Variants in DCAF4 observed in about 807,000 individuals in gnomAD.
DCAF4 encodes DDB1 and CUL4 associated factor 4.
DCAF4 carries 37 observed loss-of-function variants against 60.9 expected under a neutral mutation model. The observed-to-expected ratio is 0.61, with a 90% CI of 0.47 to 0.80. DCAF4 has a LOEUF of 0.80. Among genes scored for constraint, DCAF4 ranks in the 30% least tolerant of loss-of-function variants. The pLI, the probability that DCAF4 is intolerant of heterozygous loss-of-function variation, is 0.00. For synonymous variants in DCAF4, 243 were observed against 254.8 expected (o/e 0.95, Z 0.44); for missense variants, 577 against 650.0 (o/e 0.89, Z 1.22).
chr14:72,942,508 T>C (rs1423050509), intron 5 of DCAF4: 1 of 157,196 alleles, frequency 6.4e-6, no homozygotes, highest in African/African-American at 2.4e-5. Flanking sequence ...ACACCGTAGG[T>C]ATCAGGCAGG....
At position 72,954,273 on chromosome 14, in the gene DCAF4, C is replaced by T; in HGVS notation, c.907+11C>T. The T allele has an allele frequency of 1.9e-6, 3 of 1,614,174 alleles. 1 individual carries two copies. Among genetic ancestry groups the T allele is most frequent in the Middle Eastern group, 3.3e-4 (2 of 6,062 alleles). ...ACTGCTTCAGTACAGGTGAGCCTGG[C>T]TCCCCAGGTGCCCAGAGAAGAGGCC... is the stretch of plus-strand genomic sequence containing the variant. On this transcript the variant is annotated intron_variant, in intron 10 of 13. Coordinates refer to ENST00000358377, the MANE Select transcript of DCAF4 (RefSeq NM_015604.4).
At chr14:72,940,974 G>GT (rs11463723) in intron 4 of DCAF4, among the ~76,000 whole-genome samples, 139,749 of 151,320 alleles carry the variant, frequency 0.92, 64,884 homozygotes, top group Non-Finnish European at 0.97. Context: ...GTTTTTTGGG[G>GT]TTTTTTTGAG....
intron 4 of DCAF4, chr14:72,940,592 T>TTTG: frequency 4.0e-6 from 1 of 251,186 alleles, no homozygotes. Flanking sequence ...CGATAAGTTG[T>TTTG]TTTTTTTTTT....
rs1004038587 is a variant in DCAF4, at chr14:72,939,877, C to T, written c.168C>T (p.Gly56=). 6 of 1,610,774 alleles carry T rather than the reference C, an allele frequency of 3.7e-6. No homozygotes were observed. The South Asian group carries it at 4.4e-5, about 12-fold the overall frequency. ...ACGAGTCTCCGTCAACCTCGTCTGGCACAGCTGGGACCTCCTCTGTGCCAG... is the reference window on the plus strand; with the variant it reads ...ACGAGTCTCCGTCAACCTCGTCTGGTACAGCTGGGACCTCCTCTGTGCCAG... ...GDDESPSTSS[G]TAGTSSVPEL... The change falls in exon 3 of 14, where the codon GGC becomes GGT. Residue 56 remains glycine, a synonymous_variant. Coordinates refer to ENST00000358377, the MANE Select transcript of DCAF4 (RefSeq NM_015604.4).
chr14:72,951,984 A>G (rs1040838738), intron 9 of DCAF4, 107 bp downstream of exon 9: 1 of 1,204,934 alleles, frequency 8.3e-7, no homozygotes, highest in Non-Finnish European at 1.2e-6. Context: ...CTGTGGGAGG[A>G]TTCCCTAAGC....
chr14:72,934,500 G>T (rs112012187), intron 1 of DCAF4, among the ~76,000 whole-genome samples: 164 of 152,236 alleles, frequency 1.1e-3, no homozygotes, highest in Non-Finnish European at 2.1e-3. Flanking sequence ...ATGTTGGTCA[G>T]GCTGGTCTCA....
intron 11 of DCAF4, 111 bp from the exon 12 acceptor site, chr14:72,955,410 TCA>T: frequency 7.7e-7 from 1 of 1,293,428 alleles, no homozygotes; most frequent in Non-Finnish European, 1.1e-6. Context: ...ACGTGTCTAA[TCA>T]CACCGTCTGA....
rs1244512193 is a variant in DCAF4, at chr14:72,951,882, AG to A, written c.808+8del. 1 of 1,614,118 alleles carries A rather than the reference AG, an allele frequency of 6.2e-7. No individual in the cohort carries two copies. The highest frequency in any genetic ancestry group is 8.5e-7 in the Non-Finnish European group (1 of 1,179,974). On this transcript the variant is annotated splice_donor_region_variant and intron_variant, in intron 9 of 13. Transcript: ENST00000358377. ...TGTTCGTCAATAGTCACCCAGGTAC[AG>A]GGTTCTCCTCCTTTAAAGAAATCTG...
intron 9 of DCAF4, 66 bp from the exon 10 acceptor site, chr14:72,954,098 G>A (rs140481029): frequency 8.2e-5 from 128 of 1,561,146 alleles, no homozygotes; most frequent in Non-Finnish European, 1.0e-4. Context: ...GATGTTTTCC[G>A]AACCCAGTGG....
At chr14:72,927,906 G>C (rs7160796) in intron 1 of DCAF4, among the ~76,000 whole-genome samples, 39,359 of 151,978 alleles carry the variant, frequency 0.26, 5,549 homozygotes, top group South Asian at 0.39. Context: ...GTTTTACAGT[G>C]AACAACTCCT....
downstream of DCAF4, chr14:72,961,889 T>C (rs1297099027): frequency 6.3e-5 from 71 of 1,125,482 alleles, no homozygotes; most frequent in Non-Finnish European, 6.4e-5. Context: ...AATGCTGATG[T>C]CAAACTGGTC....
chr14:72,937,487 C>T (rs1889438914), intron 1 of DCAF4, among the ~76,000 whole-genome samples: 1 of 134,796 alleles, frequency 7.4e-6, no homozygotes, highest in South Asian at 2.5e-4. Context: ...TGAGCACAAT[C>T]TCAGCTCACT....
At chr14:72,940,409 C>T (rs773502810) in intron 4 of DCAF4, 32 bp downstream of exon 4, 270 of 1,581,308 alleles carry the variant, frequency 1.7e-4, no homozygotes, top group Non-Finnish European at 2.2e-4. Context: ...CCCCTGTCCT[C>T]TCCGCTCCTG....
In DCAF4 at chr14:72,955,642, T is replaced by C; in HGVS notation, c.1125T>C (p.Ser375=). ...TGTTTCATGATTCAGCAGTGACCTC[T>C]GTGCGGATCCTCCAAGATGAGCAAT... ...TRLFHDSAVT[S]VRILQDEQYL... The change falls in exon 12 of 14, where the codon TCT becomes TCC. Residue 375 remains serine (S), a synonymous_variant. Coordinates refer to ENST00000358377, the MANE Select transcript of DCAF4 (RefSeq NM_015604.4). 3 of 1,613,974 alleles carry C rather than the reference T, an allele frequency of 1.9e-6. No individual in the cohort carries two copies. In the South Asian group the frequency reaches 3.3e-5, roughly 18 times the overall value.
chr14:72,947,299 C>T, intron 8 of DCAF4, 108 bp downstream of exon 8: 1 of 1,254,338 alleles, frequency 8.0e-7, no homozygotes, highest in South Asian at 1.2e-5. Flanking sequence ...GAGGACTAGA[C>T]CCTTGTGCAC....
At position 72,939,842 on chromosome 14, in the gene DCAF4, C is replaced by T. The variant is rs766415529; in HGVS notation, c.133C>T (p.His45Tyr). ...AGCACAGCCCGCTCACGATTCCGGC[C>T]ACGGTGATGACGAGTCTCCGTCAAC... The part of the protein sequence containing the change: ...RAAQPAHDSG[H>Y]GDDESPSTSS... Residue 45 changes from histidine to tyrosine, a missense_variant, in exon 3 of 14, where the codon CAC (histidine) becomes TAC (tyrosine). His to Tyr is a moderately conservative substitution (Grantham distance 83, BLOSUM62 2). Transcript: ENST00000358377. 6.2e-7 allele frequency: 1 copy of T among 1,613,200 alleles called. No homozygotes were observed.
At chr14:72,955,726 A>C (rs1009695853) in intron 12 of DCAF4, 30 bp downstream of exon 12, 1 of 1,590,214 alleles carries the variant, frequency 6.3e-7, no homozygotes. Context: ...CTCAGGCCAC[A>C]GGGTCTCGTG....
At chr14:72,952,691 CTTTTTTTTT>C (rs1215172512) in intron 9 of DCAF4, among the ~76,000 whole-genome samples, 1 of 105,190 alleles carries the variant, frequency 9.5e-6, no homozygotes, top group Non-Finnish European at 1.9e-5. Context: ...CTTGTCTTGT[CTTTTTTTTT>C]TTTTTTTTTT....
In DCAF4 at chr14:72,955,612, C is replaced by G. The variant is rs768760344; in HGVS notation, c.1095C>G (p.Thr365=). The change falls in exon 12 of 14, where the codon ACC becomes ACG. Residue 365 remains threonine (T), a synonymous_variant. Coordinates refer to ENST00000358377, the MANE Select transcript of DCAF4 (RefSeq NM_015604.4). ...CGNQGKGWKA[T]RLFHDSAVTS... Reference sequence around the variant, plus strand: ...ATCAAGGCAAGGGATGGAAGGCCACCCGCCTGTTTCATGATTCAGCAGTGA... The same window carrying G: ...ATCAAGGCAAGGGATGGAAGGCCACGCGCCTGTTTCATGATTCAGCAGTGA... 6.2e-6 allele frequency: 10 copies of G among 1,614,052 alleles called. No individual in the cohort carries two copies. The highest frequency in any genetic ancestry group is 7.6e-6 in the Non-Finnish European group (9 of 1,180,022).
Sources: allele counts gnomAD v4.1 joint callset (sites outside exome capture counted in the v4.1 genomes callset), GRCh38; gene constraint gnomAD v4.1.1; transcripts MANE v1.5; gene names NCBI Gene and HGNC (gene_info 2026-07-23, HGNC 2026-07-21).